The following LPIN3 variants were observed in gnomAD, a reference collection of about 807,000 sequenced individuals.
LPIN3 encodes lipin 3.
Under a neutral mutation model 94.7 loss-of-function variants are expected in LPIN3, and 82 were observed. The observed-to-expected ratio is 0.87, with a 90% CI of 0.72 to 1.04. The LOEUF (loss-of-function observed/expected upper bound fraction) is 1.04. Ranked by LOEUF, LPIN3 falls within the 50% of genes least tolerant of loss-of-function variation. The pLI, the probability that LPIN3 is intolerant of heterozygous loss-of-function variation, is 0.00. For synonymous variants in LPIN3, 418 were observed against 443.3 expected, an observed-to-expected ratio of 0.94 and a Z score of 0.72; for missense variants, 996 against 1,090.5, an observed-to-expected ratio of 0.91 and a Z score of 1.22.
At position 41,357,571 on chromosome 20, in the gene LPIN3, A is replaced by T. The variant is rs555676405; in HGVS notation, c.2039+124A>T. On this transcript the variant is annotated intron_variant, in intron 16 of 19. Transcript: ENST00000373257. ...GCAGGCTGCCAGGGCAGGTGCCTGG[A>T]GTGCTGAGACCTCTCTATTGGCCCG... is the stretch of plus-strand genomic sequence containing the variant. 5.9e-6 allele frequency: 5 copies of T among 847,446 alleles called. No individual in the cohort carries two copies. In the East Asian group the frequency reaches 1.3e-4, roughly 22 times the overall value. 52.5% of individuals were successfully genotyped at this position (847,446 alleles called of 1,614,324 possible). A position where few individuals can be genotyped will look rare whatever the true frequency, so the allele number is the denominator to read the frequency against.
At chr20:41,341,947 A>T (rs1275597055) in intron 1 of LPIN3, among the ~76,000 whole-genome samples, 3 of 152,232 alleles carry the variant, frequency 2.0e-5, no homozygotes, top group South Asian at 2.1e-4. Context: ...ACCGCACTCC[A>T]GTCTGGGTGA....
intron 1 of LPIN3, among the ~76,000 whole-genome samples, chr20:41,344,136 T>G (rs916976730): frequency 6.6e-6 from 1 of 152,154 alleles, no homozygotes; most frequent in Non-Finnish European, 1.5e-5. Context: ...GGGCCTAAGT[T>G]TCTGTTTCTA....
intron 7 of LPIN3, among the ~76,000 whole-genome samples, chr20:41,350,843 G>A (rs1284961760): frequency 6.6e-6 from 1 of 152,192 alleles, no homozygotes; most frequent in Non-Finnish European, 1.5e-5. Context: ...GGGGAGATGA[G>A]CAGACTCAGA....
rs754381264 is a variant in LPIN3 at position 41,348,633 on chromosome 20, C to T, written c.303C>T (p.Pro101=). The T allele has an allele frequency of 1.7e-5, 28 of 1,610,698 alleles. No individual in the cohort carries two copies. The highest frequency in any genetic ancestry group is 1.5e-4 in the African/African-American group (11 of 74,876). The change falls in exon 4 of 20, where the codon CCC becomes CCT. Residue 101 remains proline, a synonymous_variant. Transcript: ENST00000373257. ...ELESDDEHVP[P]GLCTSPIPWG... ...CTGTTCCACAGGAACATGTGCCTCC[C>T]GGCCTGTGCACCTCACCCATCCCTT...
At position 41,345,929 on chromosome 20, in the gene LPIN3, G is replaced by A. The variant is rs755941094; in HGVS notation, c.126G>A (p.Ser42=). Residue 42 remains serine, a synonymous_variant, in exon 2 of 20, where the codon TCG becomes TCA. Coordinates refer to ENST00000373257, the MANE Select transcript of LPIN3 (RefSeq NM_022896.3). ...DVLVVKQVDG[S]FRCSPFHVRF... is the part of the protein sequence containing the mutation. ...TGGTGGTGAAGCAGGTGGACGGCTC[G>A]TTCCGGTGCTCACCCTTCCACGTGC... The A allele has an allele frequency of 2.0e-5, 32 of 1,614,066 alleles. No individual in the cohort carries two copies. The Admixed American group carries it at 2.5e-4, about 13-fold the overall frequency.
chr20:41,348,533 AC>A, intron 3 of LPIN3, 85 bp from the exon 4 acceptor site: 1 of 1,516,088 alleles, frequency 6.6e-7, no homozygotes. Context: ...CAGGGCTGGG[AC>A]CCAGGCAAGG....
rs1473944947 is a variant in LPIN3 at position 41,352,118 on chromosome 20, G to T, written c.1261G>T (p.Asp421Tyr). The T allele has an allele frequency of 1.2e-6, 2 of 1,614,112 alleles. No homozygotes were observed. The highest frequency in any genetic ancestry group is 2.7e-5 in the African/African-American group (2 of 74,952). ...ACCCAGCAGTCAGAAGTCCCTGAGGGACCCCAACCCTGAACATGAACCTGA... is the reference window on the plus strand; with the variant it reads ...ACCCAGCAGTCAGAAGTCCCTGAGGTACCCCAACCCTGAACATGAACCTGA... ...SEPSSQKSLR[D>Y]PNPEHEPEPT... The change falls in exon 9 of 20, where the codon GAC becomes TAC. Residue 421 changes from aspartate (D) to tyrosine (Y), a missense_variant. Coordinates refer to ENST00000373257, the MANE Select transcript of LPIN3 (RefSeq NM_022896.3).
chr20:41,346,112 G>C (rs1011404785), intron 2 of LPIN3, 117 bp downstream of exon 2: 24 of 1,061,064 alleles, frequency 2.3e-5, no homozygotes, highest in Non-Finnish European at 3.1e-5. Flanking sequence ...CTGTCCTCTG[G>C]ACAGGCTTCC....
rs367755050 is a variant in LPIN3, at chr20:41,357,194, G to T, written c.1952+6G>T. 127 of 1,613,804 alleles carry T rather than the reference G, an allele frequency of 7.9e-5. 2 individuals are homozygous for T. In the South Asian group the frequency reaches 1.1e-3, roughly 14 times the overall value. On this transcript the variant is annotated splice_donor_region_variant and intron_variant, in intron 15 of 19. Coordinates refer to ENST00000373257, the MANE Select transcript of LPIN3 (RefSeq NM_022896.3). The stretch of plus-strand genomic sequence containing the variant: ...ATCGACGGCACCATCACCAAGTGAG[G>T]CCCACCCAGCTGTGGGAAGGGGAGG...
chr20:41,355,398 C>G (rs1055088643), intron 13 of LPIN3, among the ~76,000 whole-genome samples: 5 of 152,184 alleles, frequency 3.3e-5, no homozygotes. Context: ...GGCCAACAAC[C>G]AGGAAATGGC....
chr20:41,346,719 C>T (rs907674463), intron 2 of LPIN3, among the ~76,000 whole-genome samples: 2 of 151,892 alleles, frequency 1.3e-5, no homozygotes, highest in Admixed American at 6.6e-5. Flanking sequence ...CTAGCCTGGG[C>T]GACAAGAGCG....
At chr20:41,348,942 C>G in intron 4 of LPIN3, 55 bp downstream of exon 4, 1 of 1,588,950 alleles carries the variant, frequency 6.3e-7, no homozygotes. Context: ...GTGCTGTTTC[C>G]TCTGCTCATG....
chr20:41,352,800 A>C lies in LPIN3; in HGVS notation c.1460A>C (p.His487Pro). The C allele has an allele frequency of 6.2e-7, 1 of 1,614,152 alleles. No individual in the cohort carries two copies. The highest frequency in any genetic ancestry group is 8.5e-7 in the Non-Finnish European group (1 of 1,180,004). ...GATGCCCTGTTCTGTCTCTCTAGGC[A>C]TTATAACTGGGCTGTGGCTGCCCCC... The part of the protein sequence containing the change: ...PNLVVKINGK[H>P]YNWAVAAPMI... Residue 487 changes from histidine (H) to proline (P), a missense_variant and splice_region_variant, in exon 11 of 20, where the codon CAT becomes CCT. By Grantham distance (77) the His-to-Pro change is moderately conservative. Transcript: ENST00000373257.
Position 41,357,123 on chromosome 20 carries a change from C to T in LPIN3, c.1887C>T (p.Ala629=). ...ACCAGGGCACCTGCCGCTGCAAGGCCACCATCTACCTGTGGAAATGGGACG... is the reference window on the plus strand; with the variant it reads ...ACCAGGGCACCTGCCGCTGCAAGGCTACCATCTACCTGTGGAAATGGGACG... ...TQYQGTCRCK[A]TIYLWKWDDK... The change falls in exon 15 of 20, where the codon GCC becomes GCT. Residue 629 remains alanine (A), a synonymous_variant. Coordinates refer to ENST00000373257, the MANE Select transcript of LPIN3 (RefSeq NM_022896.3). The T allele has an allele frequency of 6.2e-7, 1 of 1,614,178 alleles. No individual in the cohort carries two copies. Among genetic ancestry groups the T allele is most frequent in the Non-Finnish European group, 8.5e-7 (1 of 1,180,020 alleles).
chr20:41,353,997 G>T (rs2046118690), intron 11 of LPIN3, among the ~76,000 whole-genome samples: 1 of 152,138 alleles, frequency 6.6e-6, no homozygotes, highest in Non-Finnish European at 1.5e-5. Context: ...GCTCAAGGGG[G>T]CCCCCTGGCT....
chr20:41,354,843 T>G lies in LPIN3; in HGVS notation c.1644T>G (p.Thr548=), dbSNP rs1055105239. The G allele has an allele frequency of 6.3e-7, 1 of 1,582,194 alleles. No individual in the cohort carries two copies. Among genetic ancestry groups the G allele is most frequent in the Non-Finnish European group, 8.6e-7 (1 of 1,163,832 alleles). Residue 548 remains threonine (T), a synonymous_variant, in exon 13 of 20, where the codon ACT becomes ACG. Coordinates refer to ENST00000373257, the MANE Select transcript of LPIN3 (RefSeq NM_022896.3). ...AGCGCAGTGCCCAGAAGGAGAAGAC[T>G]GCAGCCAAGGAGCAGCAGGGGTGAG... is the stretch of plus-strand genomic sequence containing the variant. ...AEERSAQKEK[T]AAKEQQGEKT... is the part of the protein sequence containing the mutation.
In LPIN3 at chr20:41,358,043, C is replaced by T. The variant is rs1169052243; in HGVS notation, c.2192+9C>T. On this transcript the variant is annotated intron_variant, in intron 17 of 19. Coordinates refer to ENST00000373257, the MANE Select transcript of LPIN3 (RefSeq NM_022896.3). The stretch of plus-strand genomic sequence containing the variant: ...TTCTCTGCCCTCCACAGGTAACCAC[C>T]CCTACACATACAAGCCCGTGGCCCC... 1.3e-6 allele frequency: 2 copies of T among 1,590,170 alleles called. No homozygotes were observed. The highest frequency in any genetic ancestry group is 1.7e-6 in the Non-Finnish European group (2 of 1,169,002).
chr20:41,355,235 A>G (rs1333922325), intron 13 of LPIN3, among the ~76,000 whole-genome samples: 1 of 152,054 alleles, frequency 6.6e-6, no homozygotes, highest in Admixed American at 6.6e-5. Context: ...CTGGTCTTGA[A>G]CTTCTGACCT....
intron 6 of LPIN3, 67 bp downstream of exon 6, chr20:41,349,961 T>A: frequency 6.4e-7 from 1 of 1,573,518 alleles, no homozygotes; most frequent in Non-Finnish European, 8.6e-7. Flanking sequence ...TGGGTCAGGG[T>A]TGGAGGGACT....
Sources: allele counts gnomAD v4.1 joint callset (sites outside exome capture counted in the v4.1 genomes callset), GRCh38; gene constraint gnomAD v4.1.1; transcripts MANE v1.5; gene names NCBI Gene and HGNC (gene_info 2026-07-23, HGNC 2026-07-21).